UVRAG: variants seen among roughly 807,000 people sequenced by gnomAD.
UVRAG encodes the protein UV radiation resistance-associated gene protein.
Under a neutral mutation model 78.0 loss-of-function variants are expected in UVRAG, and 19 were observed. That is an observed-to-expected ratio of 0.24 (90% confidence interval 0.17 to 0.36). UVRAG has a LOEUF of 0.36. Among genes scored for constraint, UVRAG ranks in the 10% least tolerant of loss-of-function variants. The pLI is 1.00. For missense variants in UVRAG, 740 were observed against 853.8 expected (o/e 0.87, Z 1.66); for synonymous variants, 323 against 324.6 (o/e 1.00, Z 0.05).
At chr11:75,842,289 G>C (rs1465717559) in intron 1 of UVRAG, among the ~76,000 whole-genome samples, 1 of 152,032 alleles carries the variant, frequency 6.6e-6, no homozygotes, top group Non-Finnish European at 1.5e-5. Context: ...GGATGTATTG[G>C]GGCAACCAAG....
intron 13 of UVRAG, among the ~76,000 whole-genome samples, chr11:76,087,372 G>A (rs1165232612): frequency 2.0e-5 from 3 of 152,110 alleles, no homozygotes; most frequent in African/African-American, 7.2e-5. Flanking sequence ...CTTTTCCTTA[G>A]AGACTCTGAC....
chr11:76,106,007 A>G lies in UVRAG; in HGVS notation c.1306-9917A>G, dbSNP rs547308371. ...CCACTCCTAGGTATTGGTCCAAGAG[A>G]AACAAAAATATAAGTCCAATTAAAA... On this transcript the variant is annotated intron_variant, in intron 13 of 14. Transcript: ENST00000356136. Among the ~76,000 whole-genome samples, 3 of 152,348 alleles carry G rather than the reference A, an allele frequency of 2.0e-5. No individual in the cohort carries two copies. In the South Asian group the frequency reaches 6.2e-4, roughly 32 times the overall value.
intron 6 of UVRAG, among the ~76,000 whole-genome samples, chr11:75,925,034 G>A (rs1219076477): frequency 6.6e-6 from 1 of 152,188 alleles, no homozygotes; most frequent in African/African-American, 2.4e-5. Flanking sequence ...CCCAAGAGAT[G>A]TTCTCTGTCT....
intron 1 of UVRAG, among the ~76,000 whole-genome samples, chr11:75,849,486 T>C (rs536254103): frequency 6.9e-6 from 1 of 143,936 alleles, no homozygotes; most frequent in South Asian, 2.1e-4. Flanking sequence ...AGAGCGAGAC[T>C]CCATCTCAAA....
At chr11:75,825,051 A>G (rs146290644) in intron 1 of UVRAG, among the ~76,000 whole-genome samples, 13 of 152,142 alleles carry the variant, frequency 8.5e-5, no homozygotes, top group African/African-American at 2.4e-4. Flanking sequence ...CTGTCTTATG[A>G]GAGAGGTTGA....
chr11:75,981,520 A>G (rs567743684), intron 7 of UVRAG, among the ~76,000 whole-genome samples: 1 of 151,892 alleles, frequency 6.6e-6, no homozygotes, highest in Non-Finnish European at 1.5e-5. Flanking sequence ...GCATCATCAT[A>G]GCTTACCGCA....
intron 8 of UVRAG, among the ~76,000 whole-genome samples, chr11:75,999,471 C>T (rs376396896): frequency 4.6e-5 from 7 of 151,978 alleles, no homozygotes; most frequent in African/African-American, 1.7e-4. Flanking sequence ...CAACCTCCAC[C>T]TCCTGGGTTC....
At chr11:75,931,598 C>T (rs1565385517) in intron 6 of UVRAG, among the ~76,000 whole-genome samples, 2 of 152,146 alleles carry the variant, frequency 1.3e-5, no homozygotes, top group Non-Finnish European at 1.5e-5. Context: ...CCCTCCCAAC[C>T]TTGACCCAGT....
At position 76,057,889 on chromosome 11, in the gene UVRAG, A is replaced by T. The variant is rs79600587; in HGVS notation, c.1227-7821A>T. Among the ~76,000 whole-genome samples the T allele has an allele frequency of 2.4e-4, 36 of 152,274 alleles. No homozygotes were observed. In the East Asian group the frequency reaches 4.4e-3, roughly 19 times the overall value. ...AGCTTGCATGCTGCTGGCATTTTACATTAACATTTTTTTCACAGGTTTTTG... is the reference window on the plus strand; with the variant it reads ...AGCTTGCATGCTGCTGGCATTTTACTTTAACATTTTTTTCACAGGTTTTTG... On this transcript the variant is annotated intron_variant, in intron 12 of 14. Coordinates refer to ENST00000356136, the MANE Select transcript of UVRAG (RefSeq NM_003369.4).
intron 1 of UVRAG, among the ~76,000 whole-genome samples, chr11:75,839,866 G>A (rs1002071459): frequency 7.7e-6 from 1 of 130,634 alleles, no homozygotes; most frequent in Admixed American, 7.4e-5. Context: ...TATATATAGA[G>A]AGAGAGAGAG....
chr11:75,973,385 G>A (rs1489966532), intron 7 of UVRAG, among the ~76,000 whole-genome samples: 4 of 152,096 alleles, frequency 2.6e-5, no homozygotes, highest in African/African-American at 7.3e-5. Flanking sequence ...GCCTACCCGG[G>A]ATAAATTACA....
intron 6 of UVRAG, among the ~76,000 whole-genome samples, chr11:75,912,671 C>A (rs1307154282): frequency 6.6e-6 from 1 of 152,244 alleles, no homozygotes; most frequent in African/African-American, 2.4e-5. Flanking sequence ...AACCAATGTT[C>A]ACCCTACTCA....
chr11:76,005,491 G>A (rs970037730), intron 9 of UVRAG, among the ~76,000 whole-genome samples: 1 of 152,188 alleles, frequency 6.6e-6, no homozygotes, highest in Non-Finnish European at 1.5e-5. Context: ...TGTCTTCAGT[G>A]CTGTTTTAGA....
At chr11:76,114,484 G>A (rs536951372) in intron 13 of UVRAG, among the ~76,000 whole-genome samples, 119 of 152,284 alleles carry the variant, frequency 7.8e-4, no homozygotes, top group African/African-American at 2.5e-3. Flanking sequence ...TGCGGCCCTG[G>A]ATAATTTACT....
chr11:76,009,697 C>T (rs2135351110), intron 11 of UVRAG, among the ~76,000 whole-genome samples: 1 of 152,086 alleles, frequency 6.6e-6, no homozygotes, highest in Non-Finnish European at 1.5e-5. Context: ...GTTTTGTTAC[C>T]CTGTTGGGCC....
At chr11:75,871,458 A>G (rs553280371) in intron 3 of UVRAG, among the ~76,000 whole-genome samples, 127 of 150,400 alleles carry the variant, frequency 8.4e-4, no homozygotes, top group Non-Finnish European at 1.5e-3. Flanking sequence ...TTTTTTTTGT[A>G]TTTTTAGTAG....
intron 6 of UVRAG, among the ~76,000 whole-genome samples, chr11:75,946,510 G>A (rs1442485424): frequency 2.0e-5 from 3 of 152,284 alleles, no homozygotes; most frequent in South Asian, 4.1e-4. Flanking sequence ...TCTTTAGGCC[G>A]GAAATTTGGG....
chr11:76,025,099 G>A (rs929763057), intron 12 of UVRAG, among the ~76,000 whole-genome samples: 3 of 152,098 alleles, frequency 2.0e-5, no homozygotes, highest in Admixed American at 6.6e-5. Context: ...ACACAGGCCT[G>A]GACTGATGCC....
chr11:76,105,966 A>G (rs911023024), intron 13 of UVRAG, among the ~76,000 whole-genome samples: 55 of 152,294 alleles, frequency 3.6e-4, no homozygotes, highest in African/African-American at 1.3e-3. Flanking sequence ...TATATCTGCC[A>G]TTCAACCCAG....
Sources: gnomAD v4.1 joint callset for allele counts (sites outside exome capture counted in the v4.1 genomes callset) on GRCh38, gnomAD v4.1.1 for gene constraint, MANE v1.5 for transcripts, NCBI Gene and HGNC (gene_info 2026-07-23, HGNC 2026-07-21) for gene names.